The following CACNG7 variants were observed in gnomAD, a reference collection of about 807,000 sequenced individuals.
CACNG7 encodes voltage-dependent calcium channel gamma-7 subunit.
Under a neutral mutation model 26.3 loss-of-function variants are expected in CACNG7, and 9 were observed. The observed-to-expected ratio is 0.34, with a 90% CI of 0.21 to 0.60. CACNG7 has a LOEUF of 0.60. Among genes scored for constraint, CACNG7 ranks in the 20% least tolerant of loss-of-function variants. CACNG7 has a pLI of 0.81. For missense variants in CACNG7, 297 were observed against 380.4 expected (o/e 0.78, Z 1.82); for synonymous variants, 170 against 157.0 (o/e 1.08, Z -0.62).
chr19:53,942,042 G>T lies in CACNG7; in HGVS notation c.577G>T (p.Gly193Cys). Reference protein sequence around the residue: ...ASSFLLKEGAGVMSVYLFTKR... With the variant: ...ASSFLLKEGACVMSVYLFTKR... Reference sequence around the variant, plus strand: ...TGACCTTGCCTTGCCGCAGGGGGCCGGCGTGATGTCCGTGTACCTGTTCAC... The same window carrying T: ...TGACCTTGCCTTGCCGCAGGGGGCCTGCGTGATGTCCGTGTACCTGTTCAC... The change falls in exon 6 of 6, where the codon GGC becomes TGC. Residue 193 changes from glycine to cysteine, a missense_variant. Gly to Cys is a radical substitution (Grantham distance 159, BLOSUM62 -3). Transcript: ENST00000391767. The surrounding 1 kb of genome is among the most constrained non-coding windows in gnomAD (Gnocchi z 5.9). The T allele has an allele frequency of 6.3e-7, 1 of 1,590,638 alleles. No individual in the cohort carries two copies. Among genetic ancestry groups the T allele is most frequent in the East Asian group, 2.3e-5 (1 of 44,186 alleles).
intron 4 of CACNG7, among the ~76,000 whole-genome samples, chr19:53,930,075 A>C (rs954543294): frequency 7.1e-5 from 3 of 42,080 alleles, no homozygotes; most frequent in African/African-American, 6.2e-4. Flanking sequence ...TACATGCTAC[A>C]AAAAAAAAAA....
chr19:53,924,042 G>A (rs1422717725), intron 4 of CACNG7, among the ~76,000 whole-genome samples: 1 of 141,572 alleles, frequency 7.1e-6, no homozygotes, highest in African/African-American at 2.9e-5. Context: ...GTTGCCCCAG[G>A]CCTGGTCATT....
At chr19:53,932,809 A>G (rs1311106853) in intron 4 of CACNG7, among the ~76,000 whole-genome samples, 1 of 128,120 alleles carries the variant, frequency 7.8e-6, no homozygotes, top group Admixed American at 7.8e-5. Flanking sequence ...ATGTTCATCT[A>G]TTTCAGTGTT....
In CACNG7 at chr19:53,942,640, A is replaced by C; in HGVS notation, c.*347A>C. ...AGCTGGGAGCAGCCAGAGGCGGTGC[A>C]AGCGCCCAGCTCCCCAGAGCTCCCC... On this transcript the variant is annotated 3_prime_UTR_variant, in exon 6 of 6. Transcript: ENST00000391767. The surrounding 1 kb of genome is among the most constrained non-coding windows in gnomAD (Gnocchi z 5.9). 1 of 1,087,388 alleles carries C rather than the reference A, an allele frequency of 9.2e-7. No individual in the cohort carries two copies. Among genetic ancestry groups the C allele is most frequent in the South Asian group, 3.4e-5 (1 of 29,274 alleles). The allele number at this position is 1,087,388 out of a possible 1,614,324, so 67.4% of individuals were successfully genotyped here.
At chr19:53,919,361 G>A (rs896830336) in intron 4 of CACNG7, among the ~76,000 whole-genome samples, 1 of 152,122 alleles carries the variant, frequency 6.6e-6, no homozygotes, top group African/African-American at 2.4e-5. Context: ...CTGGTCATTG[G>A]TGGAGTTGTC....
At chr19:53,919,164 G>A (rs1467479417) in intron 4 of CACNG7, among the ~76,000 whole-genome samples, 1 of 152,186 alleles carries the variant, frequency 6.6e-6, no homozygotes. Context: ...GCCCCACCAA[G>A]ATTAAGATCA....
chr19:53,937,673 C>CT (rs531441242), intron 4 of CACNG7, among the ~76,000 whole-genome samples: 1 of 150,188 alleles, frequency 6.7e-6, no homozygotes, highest in South Asian at 2.1e-4. Context: ...TCATTGCAAC[C>CT]TCTGCTTCCT....
chr19:53,932,965 G>A (rs138039349), intron 4 of CACNG7, among the ~76,000 whole-genome samples: 25 of 151,158 alleles, frequency 1.7e-4, no homozygotes, highest in African/African-American at 6.1e-4. Flanking sequence ...CTGCCATCAC[G>A]CCCGGCTAAT....
intron 4 of CACNG7, among the ~76,000 whole-genome samples, chr19:53,930,210 A>ATT (rs200011995): frequency 2.2e-5 from 3 of 136,584 alleles, no homozygotes; most frequent in Admixed American, 7.3e-5. Context: ...CTACCTCACC[A>ATT]TTTTTTTTTT....
intron 2 of CACNG7, among the ~76,000 whole-genome samples, chr19:53,914,273 C>CAAAAAAAAAAAAAAAA (rs376053657): frequency 3.7e-5 from 4 of 107,300 alleles, no homozygotes; most frequent in East Asian, 2.6e-4. Context: ...GACTCCATCT[C>CAAAAAAAAAAAAAAAA]AAAAAAAAAA....
rs1340207054 is a variant in CACNG7, at chr19:53,940,842, G to A, written c.425-628G>A. On this transcript the variant is annotated intron_variant, in intron 4 of 5. Transcript: ENST00000391767. The surrounding 1 kb of genome is among the most constrained non-coding windows in gnomAD (Gnocchi z 4.1). Reference sequence around the variant, plus strand: ...GGCCGAGGTGGGTGGATCACCTGAGGTCAGGAGTTTGAGACCAGCCTGGCC... The same window carrying A: ...GGCCGAGGTGGGTGGATCACCTGAGATCAGGAGTTTGAGACCAGCCTGGCC... 6.6e-6 allele frequency among the ~76,000 whole-genome samples: 1 copy of A among 151,894 alleles called. No individual in the cohort carries two copies. Among genetic ancestry groups the A allele is most frequent in the Non-Finnish European group, 1.5e-5 (1 of 68,008 alleles).
intron 2 of CACNG7, 90 bp from the exon 3 acceptor site, chr19:53,914,410 G>A: frequency 3.8e-6 from 4 of 1,046,542 alleles, no homozygotes; most frequent in East Asian, 2.5e-5. Flanking sequence ...CCATCCTGGG[G>A]TCTCCCCTCT....
Position 53,912,927 on chromosome 19 carries a change from CT to C in CACNG7, c.97del (p.Trp33GlyfsTer54), listed in dbSNP as rs753224159. 2 of 1,614,156 alleles carry C rather than the reference CT, an allele frequency of 1.2e-6. No homozygotes were observed. Among genetic ancestry groups the C allele is most frequent in the Non-Finnish European group, 1.7e-6 (2 of 1,180,036 alleles). On this transcript the variant is annotated frameshift_variant, in exon 2 of 6. Coordinates refer to ENST00000391767, the MANE Select transcript of CACNG7 (RefSeq NM_031896.5). LOFTEE classifies it high-confidence loss of function. The surrounding 1 kb of genome is among the most constrained non-coding windows in gnomAD (Gnocchi z 4.6). ...LVGIAVSTDYWLYMEEGTVLP... is the reference protein window; with the variant it reads ...LVGIAVSTDYXLYMEEGTVLP... Reference sequence around the variant, plus strand: ...TAGGCATCGCGGTCAGCACTGACTACTGGCTGTACATGGAAGAAGGCACAGT... The same window carrying C: ...TAGGCATCGCGGTCAGCACTGACTACGGCTGTACATGGAAGAAGGCACAGT...
chr19:53,919,154 G>C (rs1392055102), intron 4 of CACNG7, among the ~76,000 whole-genome samples: 1 of 152,084 alleles, frequency 6.6e-6, no homozygotes, highest in Non-Finnish European at 1.5e-5. Flanking sequence ...GCATTATGCT[G>C]CCCCACCAAG....
In CACNG7 at chr19:53,942,472, G is replaced by A. The variant is rs1288408988; in HGVS notation, c.*179G>A. 5 of 1,445,086 alleles carry A rather than the reference G, an allele frequency of 3.5e-6. No individual in the cohort carries two copies. The highest frequency in any genetic ancestry group is 3.6e-6 in the Non-Finnish European group (4 of 1,105,070). 89.5% of individuals were successfully genotyped at this position (1,445,086 alleles called of 1,614,324 possible). A position where few individuals can be genotyped will look rare whatever the true frequency, so the allele number is the denominator to read the frequency against. ...CGCCCACAGACTCCCTTATTTCAAT[G>A]GCCGCGCCCTCTTTTCCCGACCTCT... On this transcript the variant is annotated 3_prime_UTR_variant, in exon 6 of 6. Coordinates refer to ENST00000391767, the MANE Select transcript of CACNG7 (RefSeq NM_031896.5). This position sits in a 1 kb window ranked among gnomAD's most constrained non-coding sequence, Gnocchi z 5.9.
chr19:53,918,990 G>T (rs904805539), intron 4 of CACNG7, among the ~76,000 whole-genome samples: 2 of 152,134 alleles, frequency 1.3e-5, no homozygotes, highest in Non-Finnish European at 2.9e-5. Flanking sequence ...GGATGGTCTT[G>T]AACTCTCGAC....
chr19:53,942,346 GT>G lies in CACNG7; in HGVS notation c.*54del, dbSNP rs200965310. ...TCCTCCTCCTCCTCGTCTTAGGGGG[GT>G]CTCCCTGCAATGCAGCGCCCCCTTC... On this transcript the variant is annotated 3_prime_UTR_variant, in exon 6 of 6. Transcript: ENST00000391767. The surrounding 1 kb of genome is among the most constrained non-coding windows in gnomAD (Gnocchi z 5.9). The G allele has an allele frequency of 6.5e-7, 1 of 1,538,938 alleles. No homozygotes were observed. The highest frequency in any genetic ancestry group is 8.8e-7 in the Non-Finnish European group (1 of 1,142,560).
At chr19:53,921,517 G>T (rs2068951962) in intron 4 of CACNG7, among the ~76,000 whole-genome samples, 1 of 148,672 alleles carries the variant, frequency 6.7e-6, no homozygotes, top group African/African-American at 2.5e-5. Flanking sequence ...TCTGGTATTG[G>T]TGGAGTTGCC....
At chr19:53,929,372 C>T (rs2069056138) in intron 4 of CACNG7, among the ~76,000 whole-genome samples, 1 of 152,088 alleles carries the variant, frequency 6.6e-6, no homozygotes, top group Non-Finnish European at 1.5e-5. Flanking sequence ...TTCAATCTTC[C>T]TTTGCTATAA....
Sources: allele counts gnomAD v4.1 joint callset (sites outside exome capture counted in the v4.1 genomes callset), GRCh38; gene constraint gnomAD v4.1.1; non-coding constraint Gnocchi (gnomAD v3.1); transcripts MANE v1.5; gene names NCBI Gene and HGNC (gene_info 2026-07-23, HGNC 2026-07-21).